Variants in NUP153 observed in about 807,000 individuals in gnomAD.
NUP153 encodes nuclear pore complex protein Nup153.
A neutral mutation model predicts 134.6 loss-of-function variants in NUP153; 27 were observed. The ratio of observed to expected loss-of-function variants is 0.20; its 90% CI spans 0.15 to 0.28. The LOEUF is 0.28. Ranked by LOEUF, NUP153 falls within the 10% of genes least tolerant of loss-of-function variation. NUP153 has a pLI of 1.00. For synonymous variants in NUP153, 640 were observed against 623.5 expected, an observed-to-expected ratio of 1.03 and a Z score of -0.40; for missense variants, 1,821 against 1,731.3, an observed-to-expected ratio of 1.05 and a Z score of -0.92.
chr6:17,642,720 C>T (rs1206346529), intron 14 of NUP153, among the ~76,000 whole-genome samples: 3 of 152,122 alleles, frequency 2.0e-5, no homozygotes, highest in Non-Finnish European at 4.4e-5. Flanking sequence ...AGTACTCAAA[C>T]AAATACACAT....
At chr6:17,627,045 T>G (rs1477506951) in intron 18 of NUP153, among the ~76,000 whole-genome samples, 1 of 152,240 alleles carries the variant, frequency 6.6e-6, no homozygotes, top group Non-Finnish European at 1.5e-5. Flanking sequence ...TCCAGCCACC[T>G]TATTGAAGAT....
At chr6:17,670,737 A>T (rs543114748) in intron 5 of NUP153, among the ~76,000 whole-genome samples, 1 of 151,224 alleles carries the variant, frequency 6.6e-6, no homozygotes, top group Admixed American at 6.5e-5. Flanking sequence ...ATTTTTAAAA[A>T]ATATTTTATG....
At chr6:17,664,013 C>A (rs1169140957) in intron 9 of NUP153, among the ~76,000 whole-genome samples, 1 of 151,866 alleles carries the variant, frequency 6.6e-6, no homozygotes, top group East Asian at 1.9e-4. Context: ...GTAAAACCAA[C>A]CCCAATGTCC....
chr6:17,644,663 C>T (rs1766046235), intron 14 of NUP153, among the ~76,000 whole-genome samples: 1 of 152,154 alleles, frequency 6.6e-6, no homozygotes, highest in Non-Finnish European at 1.5e-5. Flanking sequence ...ACAAATTCGG[C>T]CAGGCACAGT....
intron 8 of NUP153, among the ~76,000 whole-genome samples, chr6:17,668,069 C>CTTTTTTTTTT (rs762142682): frequency 2.3e-5 from 2 of 87,236 alleles, no homozygotes; most frequent in East Asian, 8.3e-4. Context: ...GTTTACTGAA[C>CTTTTTTTTTT]TTTTTTTTTT....
chr6:17,645,264 T>C (rs1182624961), intron 14 of NUP153, among the ~76,000 whole-genome samples: 3 of 149,318 alleles, frequency 2.0e-5, no homozygotes, highest in African/African-American at 7.5e-5. Flanking sequence ...AAAAAAAGAA[T>C]TCTATGTTTT....
At chr6:17,693,666 C>A (rs148299988) in intron 1 of NUP153, among the ~76,000 whole-genome samples, 2,948 of 152,268 alleles carry the variant, frequency 0.019, 97 homozygotes, top group African/African-American at 0.067. Flanking sequence ...GCGGGCAGAT[C>A]ACTTGAAGTC....
intron 2 of NUP153, among the ~76,000 whole-genome samples, chr6:17,678,045 C>T (rs1768330259): frequency 6.6e-6 from 1 of 151,996 alleles, no homozygotes; most frequent in African/African-American, 2.4e-5. Context: ...AAGATTGCTT[C>T]TAATGTTTCA....
In NUP153 at chr6:17,682,955, G is replaced by A. The variant is rs952099226; in HGVS notation, c.334+5441C>T. ...AAAAAAAAAAAAACACTTTCTTTGC[G>A]CATCCACAAGAAGCAACTCCTTATC... On this transcript the variant is annotated intron_variant, in intron 2 of 21. Coordinates refer to ENST00000262077, the MANE Select transcript of NUP153 (RefSeq NM_005124.4). Among the ~76,000 whole-genome samples the A allele has an allele frequency of 3.4e-5, 5 of 148,976 alleles. No homozygotes were observed. The East Asian group carries it at 7.8e-4, about 23-fold the overall frequency.
At chr6:17,666,056 C>CT (rs1317712813) in intron 8 of NUP153, among the ~76,000 whole-genome samples, 1 of 151,170 alleles carries the variant, frequency 6.6e-6, no homozygotes, top group African/African-American at 2.4e-5. Flanking sequence ...AACTTCTGGG[C>CT]TCAAGCAATC....
intron 14 of NUP153, among the ~76,000 whole-genome samples, chr6:17,643,899 C>T (rs573762906): frequency 6.6e-6 from 1 of 152,144 alleles, no homozygotes; most frequent in East Asian, 1.9e-4. Context: ...CATTTTAATG[C>T]CTTTCCTCAT....
Position 17,706,204 on chromosome 6 carries a change from G to T in NUP153, c.111+73C>A. 8.2e-7 allele frequency: 1 copy of T among 1,217,972 alleles called. No homozygotes were observed. Among genetic ancestry groups the T allele is most frequent in the Non-Finnish European group, 1.2e-6 (1 of 830,034 alleles). The allele number at this position is 1,217,972 out of a possible 1,614,324, so 75.4% of individuals were successfully genotyped here. ...CTGTCTGCTCCACGTGGGGCGCCGG[G>T]GCCTCGAACCGCCCGTCCCCTCCAG... On this transcript the variant is annotated intron_variant, in intron 1 of 21. Coordinates refer to ENST00000262077, the MANE Select transcript of NUP153 (RefSeq NM_005124.4). This position sits in a 1 kb window ranked among gnomAD's most constrained non-coding sequence, Gnocchi z 5.9.
chr6:17,629,599 T>A, intron 17 of NUP153, 60 bp from the exon 18 acceptor site: 1 of 1,453,640 alleles, frequency 6.9e-7, no homozygotes, highest in South Asian at 1.4e-5. Flanking sequence ...TCAAACAAAA[T>A]GTAAACACTG....
chr6:17,629,562 A>G (rs1400843473), intron 17 of NUP153, 23 bp from the exon 18 acceptor site: 2 of 1,555,724 alleles, frequency 1.3e-6, no homozygotes, highest in African/African-American at 1.4e-5. Context: ...AAAAGACACC[A>G]CATAGACACT....
intron 8 of NUP153, 72 bp downstream of exon 8, chr6:17,668,903 T>A: frequency 9.7e-7 from 1 of 1,029,524 alleles, no homozygotes; most frequent in Non-Finnish European, 1.5e-6. Context: ...AAATCCAATT[T>A]GTATACTTGT....
Position 17,655,458 on chromosome 6 carries a change from CTTTTTT to C in NUP153, c.1396-6164_1396-6159del, listed in dbSNP as rs112496979. Among the ~76,000 whole-genome samples the C allele has an allele frequency of 2.0e-5, 3 of 147,236 alleles. No homozygotes were observed. In the South Asian group the frequency reaches 6.5e-4, roughly 32 times the overall value. On this transcript the variant is annotated intron_variant, in intron 11 of 21. Coordinates refer to ENST00000262077, the MANE Select transcript of NUP153 (RefSeq NM_005124.4). ...AAAAATAACTTTAATCTTATTATTA[CTTTTTT>C]TTTTTTTAAGACAAAGTCTCAATCT...
intron 5 of NUP153, among the ~76,000 whole-genome samples, chr6:17,671,991 G>A (rs1018835342): frequency 3.3e-5 from 5 of 152,038 alleles, no homozygotes; most frequent in Non-Finnish European, 7.4e-5. Flanking sequence ...TTGGGCAACA[G>A]AGCAAGATCC....
Position 17,665,261 on chromosome 6 carries a change from T to C in NUP153, c.1193A>G (p.Gln398Arg). The C allele has an allele frequency of 6.2e-7, 1 of 1,607,380 alleles. No individual in the cohort carries two copies. Among genetic ancestry groups the C allele is most frequent in the Middle Eastern group, 1.7e-4 (1 of 6,052 alleles). ...CACACTGCACTTGTTATCTATTCTTTGATTAGTCTTCCTGAATTCACCAGA... is the reference window on the plus strand; with the variant it reads ...CACACTGCACTTGTTATCTATTCTTCGATTAGTCTTCCTGAATTCACCAGA... ...TPSGEFRKTN[Q>R]RIDNKCSTGY... Residue 398 changes from glutamine to arginine, a missense_variant, in exon 9 of 22, where the codon CAA becomes CGA. Gln to Arg is a conservative substitution (Grantham distance 43). Coordinates refer to ENST00000262077, the MANE Select transcript of NUP153 (RefSeq NM_005124.4).
chr6:17,621,467 C>T lies in NUP153; in HGVS notation c.4174+3094G>A, dbSNP rs536933417. Among the ~76,000 whole-genome samples the T allele has an allele frequency of 7.9e-5, 12 of 152,276 alleles. No homozygotes were observed. In the East Asian group the frequency reaches 1.9e-3, roughly 24 times the overall value. On this transcript the variant is annotated intron_variant, in intron 20 of 21. Transcript: ENST00000262077. ...CGGAATCAATCTAAGTGTCCATCAACAGATGGATACAGAAAATGTGGTTTA... is the reference window on the plus strand; with the variant it reads ...CGGAATCAATCTAAGTGTCCATCAATAGATGGATACAGAAAATGTGGTTTA...
Sources: allele counts gnomAD v4.1 joint callset (sites outside exome capture counted in the v4.1 genomes callset), GRCh38; gene constraint gnomAD v4.1.1; non-coding constraint Gnocchi (gnomAD v3.1); transcripts MANE v1.5; gene names NCBI Gene and HGNC (gene_info 2026-07-23, HGNC 2026-07-21).